Variants in ABCD2 observed in about 807,000 individuals in gnomAD.
ABCD2 encodes ATP binding cassette subfamily D member 2.
In ABCD2, 36 loss-of-function variants were observed where a neutral mutation model predicts 70.9. The observed-to-expected ratio is 0.51, with a 90% CI of 0.39 to 0.67. ABCD2 has a LOEUF of 0.67. Among genes scored for constraint, ABCD2 ranks in the 30% least tolerant of loss-of-function variants. The pLI is 0.00. For missense variants in ABCD2, 729 were observed against 890.2 expected (o/e 0.82, Z 2.30); for synonymous variants, 304 against 306.9 (o/e 0.99, Z 0.10).
At chr12:39,554,341 T>C (rs538174668) in intron 9 of ABCD2, among the ~76,000 whole-genome samples, 1 of 152,146 alleles carries the variant, frequency 6.6e-6, no homozygotes, top group Non-Finnish European at 1.5e-5. Flanking sequence ...ATATTATTAT[T>C]TTTTTCATAT....
chr12:39,581,123 A>G (rs1429898429), intron 7 of ABCD2, among the ~76,000 whole-genome samples: 2 of 152,206 alleles, frequency 1.3e-5, no homozygotes, highest in African/African-American at 4.8e-5. Flanking sequence ...GTATAAAAGC[A>G]TAAAAAAGAA....
At chr12:39,575,094 T>G (rs1941498334) in intron 8 of ABCD2, among the ~76,000 whole-genome samples, 1 of 152,312 alleles carries the variant, frequency 6.6e-6, no homozygotes, top group South Asian at 2.1e-4. Context: ...GAATGATATT[T>G]TTAAGTGAAC....
At chr12:39,556,343 C>T (rs1474764043) in intron 9 of ABCD2, among the ~76,000 whole-genome samples, 6 of 152,108 alleles carry the variant, frequency 3.9e-5, no homozygotes. Flanking sequence ...CCCATAAGCC[C>T]CATGTGTCAA....
At chr12:39,606,902 A>G (rs569438821) in intron 3 of ABCD2, among the ~76,000 whole-genome samples, 30 of 152,298 alleles carry the variant, frequency 2.0e-4, no homozygotes, top group Non-Finnish European at 3.5e-4. Context: ...ATGAAAATGG[A>G]TATTAGAAAT....
chr12:39,606,624 A>T (rs762484028), intron 3 of ABCD2, among the ~76,000 whole-genome samples: 31 of 152,188 alleles, frequency 2.0e-4, no homozygotes, highest in Non-Finnish European at 2.6e-4. Flanking sequence ...TGAACTTTTT[A>T]AAAAAATTGA....
intron 4 of ABCD2, among the ~76,000 whole-genome samples, chr12:39,604,504 C>A (rs1379185855): frequency 6.6e-6 from 1 of 152,014 alleles, no homozygotes; most frequent in Non-Finnish European, 1.5e-5. Context: ...GCAAACGATT[C>A]ATTATGCCAT....
intron 7 of ABCD2, 86 bp downstream of exon 7, chr12:39,586,066 C>T: frequency 1.6e-6 from 2 of 1,266,206 alleles, no homozygotes; most frequent in Non-Finnish European, 2.2e-6. Flanking sequence ...AGCATACATT[C>T]AAATTAAACC....
intron 9 of ABCD2, among the ~76,000 whole-genome samples, chr12:39,566,568 T>C (rs1228520250): frequency 6.6e-6 from 1 of 152,218 alleles, no homozygotes; most frequent in Admixed American, 6.5e-5. Context: ...TGTTGATCTT[T>C]TCAAAAAACC....
At chr12:39,614,492 T>C (rs1397145035) in intron 2 of ABCD2, among the ~76,000 whole-genome samples, 2 of 151,746 alleles carry the variant, frequency 1.3e-5, no homozygotes, top group African/African-American at 4.8e-5. Context: ...ATCCTCTTTT[T>C]CCCCCCTCTA....
chr12:39,571,007 A>T (rs1204967447), intron 9 of ABCD2, among the ~76,000 whole-genome samples: 2 of 151,518 alleles, frequency 1.3e-5, no homozygotes, highest in African/African-American at 2.4e-5. Flanking sequence ...GCTCAACAAC[A>T]CTAATCATTA....
At chr12:39,570,726 GGCAAC>G (rs1941435868) in intron 9 of ABCD2, among the ~76,000 whole-genome samples, 1 of 151,954 alleles carries the variant, frequency 6.6e-6, no homozygotes, top group Admixed American at 6.5e-5. Context: ...CAAGAGCATA[GGCAAC>G]AAAAGTAAAA....
chr12:39,615,377 C>G (rs565415192), intron 2 of ABCD2, among the ~76,000 whole-genome samples: 1 of 151,812 alleles, frequency 6.6e-6, no homozygotes, highest in Non-Finnish European at 1.5e-5. Context: ...TTTGGTAAAA[C>G]TAATATTAAC....
At chr12:39,578,986 G>A (rs1941558899) in intron 8 of ABCD2, among the ~76,000 whole-genome samples, 1 of 151,962 alleles carries the variant, frequency 6.6e-6, no homozygotes, top group Non-Finnish European at 1.5e-5. Flanking sequence ...ATTTAATTTA[G>A]TCCTTTGTAC....
intron 9 of ABCD2, among the ~76,000 whole-genome samples, chr12:39,560,077 C>T (rs575994935): frequency 1.7e-4 from 26 of 152,122 alleles, no homozygotes; most frequent in African/African-American, 5.8e-4. Context: ...TTGTTACATA[C>T]GTATACGTGT....
intron 9 of ABCD2, among the ~76,000 whole-genome samples, chr12:39,560,769 T>C (rs1033759342): frequency 1.3e-5 from 2 of 152,126 alleles, no homozygotes; most frequent in Non-Finnish European, 2.9e-5. Context: ...TAAAATAACA[T>C]GTTATAAGAT....
intron 9 of ABCD2, 119 bp downstream of exon 9, chr12:39,573,597 A>C: frequency 9.1e-7 from 1 of 1,102,714 alleles, no homozygotes; most frequent in Non-Finnish European, 1.2e-6. Flanking sequence ...ACTTAAGAGA[A>C]ATATGGGTAG....
In ABCD2 at chr12:39,553,967, A is replaced by G; in HGVS notation, c.2168T>C (p.Ile723Thr). The stretch of plus-strand genomic sequence containing the variant: ...TTTCAGCACTGAGTCTTCTCCCAAA[A>G]TTTTACATAGTTCATTGAGTCTCTG... ...MQQRLNELCK[I>T]LGEDSVLKTI... The change falls in exon 10 of 10, where the codon ATT (isoleucine) becomes ACT (threonine). Residue 723 changes from isoleucine to threonine, a missense_variant. Physicochemically the swap from Ile to Thr is moderately conservative, Grantham distance 89. Transcript: ENST00000308666. 6.2e-7 allele frequency: 1 copy of G among 1,613,128 alleles called. No individual in the cohort carries two copies. Among genetic ancestry groups the G allele is most frequent in the Non-Finnish European group, 8.5e-7 (1 of 1,179,768 alleles).
In ABCD2 at chr12:39,617,066, T is replaced by A. The variant is rs374034238; in HGVS notation, c.1042A>T (p.Met348Leu). 3.0e-5 allele frequency: 49 copies of A among 1,613,120 alleles called. No homozygotes were observed. Among genetic ancestry groups the A allele is most frequent in the African/African-American group, 5.3e-5 (4 of 74,880 alleles). The change falls in exon 2 of 10, where the codon ATG becomes TTG. Residue 348 changes from methionine to leucine, a missense_variant. By Grantham distance (15) the Met-to-Leu change is conservative. Transcript: ENST00000308666. The stretch of plus-strand genomic sequence containing the variant: ...CCACTGCTGCTCCAAACATACTTCA[T>A]CAGGAACTGTTCTATCATGATGTAC... ...LWYIMIEQFL[M>L]KYVWSSSGLI...
At chr12:39,585,313 C>T (rs193283215) in intron 7 of ABCD2, among the ~76,000 whole-genome samples, 21 of 152,106 alleles carry the variant, frequency 1.4e-4, no homozygotes, top group African/African-American at 4.3e-4. Flanking sequence ...TTTGGCTGTT[C>T]GCTTGGCTGT....
Sources: gnomAD v4.1 joint callset for allele counts (sites outside exome capture counted in the v4.1 genomes callset) on GRCh38, gnomAD v4.1.1 for gene constraint, MANE v1.5 for transcripts, NCBI Gene and HGNC (gene_info 2026-07-23, HGNC 2026-07-21) for gene names.